The following MEMO1 variants were observed in gnomAD, a reference collection of about 807,000 sequenced individuals.
MEMO1 encodes the protein mediator of cell motility 1.
A neutral mutation model predicts 45.2 loss-of-function variants in MEMO1; 6 were observed. The observed-to-expected ratio is 0.13, with a 90% CI of 0.07 to 0.26. The LOEUF is 0.26. Among genes scored for constraint, MEMO1 ranks in the 10% least tolerant of loss-of-function variants. The pLI is 1.00. For missense variants in MEMO1, 184 were observed against 370.5 expected, an observed-to-expected ratio of 0.50 and a Z score of 4.13; for synonymous variants, 78 against 124.3, an observed-to-expected ratio of 0.63 and a Z score of 2.48.
chr2:31,962,682 A>C (rs1668142930), intron 2 of MEMO1, among the ~76,000 whole-genome samples: 1 of 152,212 alleles, frequency 6.6e-6, no homozygotes, highest in African/African-American at 2.4e-5. Context: ...TATGAATCTC[A>C]AAGTGTTTTC....
At chr2:31,991,587 A>C (rs1671960792) in intron 2 of MEMO1, among the ~76,000 whole-genome samples, 1 of 142,438 alleles carries the variant, frequency 7.0e-6, no homozygotes, top group African/African-American at 2.6e-5. Flanking sequence ...AAAAAAAAAA[A>C]CACAACACAC....
chr2:32,005,211 T>TAAGGAGGCTGAAGGAGG (rs1223812508), intron 2 of MEMO1, among the ~76,000 whole-genome samples: 1 of 146,712 alleles, frequency 6.8e-6, no homozygotes, highest in Non-Finnish European at 1.5e-5. Context: ...TCCCAACACT[T>TAAGGAGGCTGAAGGAGG]AAGGAGGCTG....
At chr2:32,009,811 A>G (rs1037604511) in intron 2 of MEMO1, among the ~76,000 whole-genome samples, 1 of 152,050 alleles carries the variant, frequency 6.6e-6, no homozygotes, top group African/African-American at 2.4e-5. Context: ...CGGGGGTGGC[A>G]GCGGCCGGCC....
At chr2:31,892,582 C>T (rs1213702180) in intron 6 of MEMO1, among the ~76,000 whole-genome samples, 2 of 152,158 alleles carry the variant, frequency 1.3e-5, no homozygotes, top group Admixed American at 1.3e-4. Context: ...ACCATCATTT[C>T]TGGCACTTGC....
chr2:32,010,543 G>A (rs1674766401), intron 1 of MEMO1: 1 of 237,026 alleles, frequency 4.2e-6, no homozygotes, highest in Admixed American at 6.0e-5. Flanking sequence ...CCCTGGCCCC[G>A]GCCCCCGGCG....
intron 6 of MEMO1, among the ~76,000 whole-genome samples, chr2:31,901,182 G>A (rs929643352): frequency 6.6e-6 from 1 of 151,864 alleles, no homozygotes; most frequent in Non-Finnish European, 1.5e-5. Context: ...AGACCAACCT[G>A]ACCAACATGG....
chr2:31,945,656 A>G (rs926277919), intron 2 of MEMO1, among the ~76,000 whole-genome samples: 2 of 152,098 alleles, frequency 1.3e-5, no homozygotes, highest in African/African-American at 4.8e-5. Flanking sequence ...CCTTATAACC[A>G]TCTCTTTCAA....
intron 3 of MEMO1, among the ~76,000 whole-genome samples, chr2:31,933,344 AAAAAATTTATATATAT>A (rs1664466238): frequency 5.6e-5 from 2 of 35,420 alleles, no homozygotes; most frequent in African/African-American, 2.3e-4. Flanking sequence ...AAAAAAAAAA[AAAAAATTTATATATAT>A]ATATATATAT....
chr2:31,873,356 A>T (rs1427438070), intron 8 of MEMO1, among the ~76,000 whole-genome samples: 1 of 152,142 alleles, frequency 6.6e-6, no homozygotes, highest in South Asian at 2.1e-4. Flanking sequence ...ACAAATCCAC[A>T]AATTGAAAGC....
Position 31,883,435 on chromosome 2 carries a change from T to C in MEMO1, c.608A>G (p.Asp203Gly), listed in dbSNP as rs761120070. 6.3e-7 allele frequency: 1 copy of C among 1,594,250 alleles called. No individual in the cohort carries two copies. The highest frequency in any genetic ancestry group is 8.5e-7 in the Non-Finnish European group (1 of 1,171,890). ...TCTATAAATCTCCCCCTGGGATTCATCATAGTAACTGTAACGGAACCTTTG... is the reference window on the plus strand; with the variant it reads ...TCTATAAATCTCCCCCTGGGATTCACCATAGTAACTGTAACGGAACCTTTG... ...WGQRFRYSYY[D>G]ESQGEIYRSI... The change falls in exon 8 of 10, where the codon GAT (aspartate) becomes GGT (glycine). Residue 203 changes from aspartate to glycine, a missense_variant. Physicochemically the swap from Asp to Gly is moderately conservative, Grantham distance 94. Around this residue, in one of 3 missense-constraint regions of MEMO1, gnomAD observed 97 missense variants for 209.3 expected, o/e 0.46. Transcript: ENST00000404530.
chr2:31,897,088 C>T (rs973587987), intron 6 of MEMO1, among the ~76,000 whole-genome samples: 3 of 152,196 alleles, frequency 2.0e-5, no homozygotes, highest in Non-Finnish European at 4.4e-5. Context: ...TGAGACTTCA[C>T]TGAAGTTGCT....
At chr2:32,002,312 CAT>C (rs1196191545) in intron 2 of MEMO1, among the ~76,000 whole-genome samples, 3 of 146,928 alleles carry the variant, frequency 2.0e-5, no homozygotes, top group Non-Finnish European at 4.5e-5. Context: ...TACATATATA[CAT>C]ACACATATAT....
At chr2:31,975,095 C>T (rs1669854345) in intron 2 of MEMO1, among the ~76,000 whole-genome samples, 2 of 151,610 alleles carry the variant, frequency 1.3e-5, no homozygotes, top group Admixed American at 1.3e-4. Flanking sequence ...TCGCTTGAAA[C>T]TGGGAGGCAG....
chr2:31,903,977 T>A (rs1167474845), intron 6 of MEMO1, among the ~76,000 whole-genome samples: 1 of 152,186 alleles, frequency 6.6e-6, no homozygotes, highest in Non-Finnish European at 1.5e-5. Context: ...TTTCTAACAT[T>A]TGAAGACCTT....
intron 4 of MEMO1, among the ~76,000 whole-genome samples, chr2:31,922,031 CAT>C (rs1436497580): frequency 4.6e-5 from 7 of 152,092 alleles, no homozygotes; most frequent in Non-Finnish European, 5.9e-5. Context: ...CTCCAAAATT[CAT>C]ATGAACCAAC....
chr2:31,935,270 A>G (rs1282600276), intron 3 of MEMO1, among the ~76,000 whole-genome samples: 2 of 152,210 alleles, frequency 1.3e-5, no homozygotes, highest in African/African-American at 4.8e-5. Context: ...TTGAAGGAAG[A>G]AAGGAAGGAG....
At chr2:31,971,688 G>A (rs998711828) in intron 2 of MEMO1, among the ~76,000 whole-genome samples, 1 of 152,124 alleles carries the variant, frequency 6.6e-6, no homozygotes, top group Non-Finnish European at 1.5e-5. Flanking sequence ...ATACAACTAA[G>A]GCCGGGCAAG....
chr2:31,944,656 T>A (rs1334234646), intron 2 of MEMO1, among the ~76,000 whole-genome samples: 2 of 152,194 alleles, frequency 1.3e-5, no homozygotes, highest in Admixed American at 1.3e-4. Context: ...ATTATAGGTC[T>A]CCTATACCAA....
At chr2:31,933,849 TTAG>T (rs941179264) in intron 3 of MEMO1, among the ~76,000 whole-genome samples, 2 of 152,050 alleles carry the variant, frequency 1.3e-5, no homozygotes, top group Admixed American at 6.5e-5. Context: ...AGAAGGAAAT[TTAG>T]TAGTCTTTTG....
Sources: allele counts gnomAD v4.1 joint callset (sites outside exome capture counted in the v4.1 genomes callset), GRCh38; gene constraint gnomAD v4.1.1; regional missense constraint gnomAD v4.1.1; transcripts MANE v1.5; gene names NCBI Gene and HGNC (gene_info 2026-07-23, HGNC 2026-07-21).